Variants in SCAPER observed in about 807,000 individuals in gnomAD.
The protein encoded by SCAPER is S phase cyclin A-associated protein in the endoplasmic reticulum.
A neutral mutation model predicts 182.2 loss-of-function variants in SCAPER; 98 were observed. The ratio of observed to expected loss-of-function variants is 0.54; its 90% CI spans 0.46 to 0.64. The LOEUF is 0.64. Ranked by LOEUF, SCAPER falls within the 30% of genes least tolerant of loss-of-function variation. The pLI, the probability that SCAPER is intolerant of heterozygous loss-of-function variation, is 0.00. For synonymous variants in SCAPER, 605 were observed against 564.6 expected, an observed-to-expected ratio of 1.07 and a Z score of -1.01; for missense variants, 1,432 against 1,690.0, an observed-to-expected ratio of 0.85 and a Z score of 2.68.
intron 10 of SCAPER, among the ~76,000 whole-genome samples, chr15:76,771,254 T>C (rs2063455622): frequency 6.6e-6 from 1 of 152,078 alleles, no homozygotes; most frequent in Non-Finnish European, 1.5e-5. Flanking sequence ...ACCATAAATC[T>C]ATAAATAATC....
intron 16 of SCAPER, among the ~76,000 whole-genome samples, chr15:76,731,821 G>C (rs2060936247): frequency 6.6e-6 from 1 of 152,128 alleles, no homozygotes; most frequent in African/African-American, 2.4e-5. Flanking sequence ...GGTTGGTGGA[G>C]GAAATTCCCT....
chr15:76,804,849 G>A (rs1185473677), intron 5 of SCAPER, among the ~76,000 whole-genome samples: 1 of 151,824 alleles, frequency 6.6e-6, no homozygotes, highest in Non-Finnish European at 1.5e-5. Context: ...TGATATTGAT[G>A]TTCCTTCTCA....
In SCAPER at chr15:76,604,597, A is replaced by G. The variant is rs184019431; in HGVS notation, c.2711+17167T>C. Among the ~76,000 whole-genome samples, 10 of 63,112 alleles carry G rather than the reference A, an allele frequency of 1.6e-4. 1 individual carries two copies. The East Asian group carries it at 3.4e-3, about 21-fold the overall frequency. 41.4% of individuals were successfully genotyped at this position (63,112 alleles called of 152,430 possible). A position where few individuals can be genotyped will look rare whatever the true frequency, so the allele number is the denominator to read the frequency against. ...GGTAGCTTGATGGGGATGGCATTGA[A>G]TCTATAAATTACCTTGGGCAGTATG... is the stretch of plus-strand genomic sequence containing the variant. On this transcript the variant is annotated intron_variant, in intron 22 of 31. Coordinates refer to ENST00000563290, the MANE Select transcript of SCAPER (RefSeq NM_020843.4).
chr15:76,677,650 C>T (rs191786775), intron 20 of SCAPER, among the ~76,000 whole-genome samples: 4 of 151,274 alleles, frequency 2.6e-5, no homozygotes, highest in Admixed American at 6.6e-5. Flanking sequence ...TAATAATGTA[C>T]ATAAAGAAAC....
At chr15:76,513,117 C>T (rs2042173239) in intron 23 of SCAPER, among the ~76,000 whole-genome samples, 1 of 152,190 alleles carries the variant, frequency 6.6e-6, no homozygotes, top group Non-Finnish European at 1.5e-5. Context: ...CCCATTCTCT[C>T]TTGTCTGCAA....
intron 15 of SCAPER, among the ~76,000 whole-genome samples, chr15:76,737,915 G>A (rs1427559798): frequency 6.6e-6 from 1 of 152,130 alleles, no homozygotes; most frequent in East Asian, 1.9e-4. Context: ...AAGTAGTCGG[G>A]ATCTTACTCT....
intron 26 of SCAPER, among the ~76,000 whole-genome samples, chr15:76,424,487 C>T (rs2046277118): frequency 6.6e-6 from 1 of 152,150 alleles, no homozygotes; most frequent in South Asian, 2.1e-4. Context: ...TTCCCTCCAT[C>T]CCTTTATTTT....
chr15:76,895,694 A>G (rs971475759), intron 1 of SCAPER, among the ~76,000 whole-genome samples: 10 of 152,176 alleles, frequency 6.6e-5, no homozygotes, highest in Non-Finnish European at 1.2e-4. Context: ...CAAAATAGAA[A>G]AATCAGTAGC....
intron 8 of SCAPER, among the ~76,000 whole-genome samples, chr15:76,788,575 T>C (rs1267119086): frequency 1.3e-5 from 2 of 152,132 alleles, no homozygotes; most frequent in Non-Finnish European, 2.9e-5. Context: ...ATTAATTCAT[T>C]ACCCTGTTTT....
intron 22 of SCAPER, among the ~76,000 whole-genome samples, chr15:76,618,574 C>A (rs1250949690): frequency 6.6e-6 from 1 of 151,720 alleles, no homozygotes; most frequent in Admixed American, 6.6e-5. Context: ...TCTTTTATAT[C>A]TCTTGTTAGC....
At chr15:76,701,512 A>G (rs1195596338) in intron 20 of SCAPER, among the ~76,000 whole-genome samples, 1 of 152,216 alleles carries the variant, frequency 6.6e-6, no homozygotes, top group East Asian at 1.9e-4. Context: ...TCAATATACC[A>G]TAACATTTCC....
chr15:76,886,168 A>C (rs1456988362), intron 1 of SCAPER, among the ~76,000 whole-genome samples: 1 of 152,196 alleles, frequency 6.6e-6, no homozygotes, highest in Non-Finnish European at 1.5e-5. Flanking sequence ...GGATGCTAAC[A>C]ATGTGAAAAT....
At chr15:76,451,436 T>C (rs1402951682) in intron 25 of SCAPER, among the ~76,000 whole-genome samples, 1 of 152,216 alleles carries the variant, frequency 6.6e-6, no homozygotes, top group Non-Finnish European at 1.5e-5. Context: ...CTGCCAAACT[T>C]AAAGCACACT....
chr15:76,627,878 A>G lies in SCAPER; in HGVS notation c.2646-6049T>C, dbSNP rs567035939. ...TAAGGAATCACCACAGTCTTTCACA[A>G]TGGTTGAACTAATTTACATTCCCAC... is the stretch of plus-strand genomic sequence containing the variant. On this transcript the variant is annotated intron_variant, in intron 21 of 31. Transcript: ENST00000563290. 3.3e-5 allele frequency among the ~76,000 whole-genome samples: 5 copies of G among 152,308 alleles called. No individual in the cohort carries two copies. The South Asian group carries it at 1.0e-3, about 32-fold the overall frequency.
intron 23 of SCAPER, among the ~76,000 whole-genome samples, chr15:76,538,203 A>G (rs1361340092): frequency 6.9e-6 from 1 of 145,930 alleles, no homozygotes; most frequent in Non-Finnish European, 1.5e-5. Context: ...TGACCCAGCC[A>G]TCCCATTACT....
intron 5 of SCAPER, among the ~76,000 whole-genome samples, chr15:76,827,442 A>G (rs1040600419): frequency 6.6e-6 from 1 of 152,246 alleles, no homozygotes; most frequent in Admixed American, 6.5e-5. Flanking sequence ...AACTAAGACC[A>G]TACAGTAGGA....
intron 24 of SCAPER, among the ~76,000 whole-genome samples, chr15:76,478,646 A>C (rs1323587154): frequency 6.6e-6 from 1 of 152,094 alleles, no homozygotes; most frequent in Non-Finnish European, 1.5e-5. Flanking sequence ...CAGGAGCCCG[A>C]ATTTATTTTT....
intron 1 of SCAPER, among the ~76,000 whole-genome samples, chr15:76,898,925 C>T (rs985311812): frequency 9.2e-5 from 14 of 152,088 alleles, no homozygotes; most frequent in Admixed American, 2.6e-4. Context: ...TGAAGTATAG[C>T]TCAATAAAGC....
At chr15:76,548,578 G>T (rs549111166) in intron 23 of SCAPER, among the ~76,000 whole-genome samples, 3 of 152,298 alleles carry the variant, frequency 2.0e-5, no homozygotes, top group Admixed American at 6.5e-5. Flanking sequence ...AGCGCCACTG[G>T]TGAGTATTCT....
Sources: allele counts gnomAD v4.1 joint callset (sites outside exome capture counted in the v4.1 genomes callset), GRCh38; gene constraint gnomAD v4.1.1; transcripts MANE v1.5; gene names NCBI Gene and HGNC (gene_info 2026-07-23, HGNC 2026-07-21).